The following ELOVL4 variants were observed in gnomAD, a reference collection of about 807,000 sequenced individuals.
ELOVL4 encodes ELOVL fatty acid elongase 4.
ELOVL4 carries 18 observed loss-of-function variants against 42.1 expected under a neutral mutation model. That is an observed-to-expected ratio of 0.43 (90% CI 0.30 to 0.63). The LOEUF (loss-of-function observed/expected upper bound fraction) is 0.63, where lower values mean the gene tolerates loss of function less well. Among genes scored for constraint, ELOVL4 ranks in the 30% least tolerant of loss-of-function variants. ELOVL4 has a pLI of 0.15. For missense variants in ELOVL4, 299 were observed against 376.2 expected, an observed-to-expected ratio of 0.79 and a Z score of 1.70; for synonymous variants, 117 against 127.0, an observed-to-expected ratio of 0.92 and a Z score of 0.53.
chr6:79,924,856 G>A, intron 3 of ELOVL4, 96 bp downstream of exon 3: 1 of 796,890 alleles, frequency 1.3e-6, no homozygotes, highest in Admixed American at 2.0e-5. Context: ...TAAAGAAACT[G>A]TCTCTTAAAA....
chr6:79,935,252 T>G (rs965909139), intron 1 of ELOVL4, among the ~76,000 whole-genome samples: 8 of 152,154 alleles, frequency 5.3e-5, no homozygotes, highest in Non-Finnish European at 8.8e-5. Context: ...TAGACCAATT[T>G]TTTTTCTGAT....
chr6:79,926,021 T>C (rs1170402205), intron 2 of ELOVL4, among the ~76,000 whole-genome samples, 173 bp downstream of exon 2: 1 of 152,238 alleles, frequency 6.6e-6, no homozygotes, highest in Non-Finnish European at 1.5e-5. Context: ...ACAACTTTCC[T>C]ATACCTCATG....
chr6:79,946,389 C>A (rs1774741239), intron 1 of ELOVL4, among the ~76,000 whole-genome samples: 1 of 147,690 alleles, frequency 6.8e-6, no homozygotes, highest in South Asian at 2.5e-4. Context: ...ACTGCAACAG[C>A]TAAAGAAAAG....
chr6:79,945,282 A>T (rs147331153), intron 1 of ELOVL4, among the ~76,000 whole-genome samples: 1,682 of 152,274 alleles, frequency 0.011, 27 homozygotes, highest in South Asian at 0.056. Flanking sequence ...GTGAGAGGTC[A>T]CTTGTGTTCT....
chr6:79,946,904 C>T (rs1184648421), intron 1 of ELOVL4, among the ~76,000 whole-genome samples: 1 of 152,218 alleles, frequency 6.6e-6, no homozygotes, highest in East Asian at 1.9e-4. Flanking sequence ...GCACAGGCTC[C>T]ATCTGATATG....
At chr6:79,941,662 G>A (rs973386179) in intron 1 of ELOVL4, among the ~76,000 whole-genome samples, 1 of 152,128 alleles carries the variant, frequency 6.6e-6, no homozygotes, top group African/African-American at 2.4e-5. Flanking sequence ...AGGAGTTTAA[G>A]AGCAGCCAGG....
Position 79,916,901 on chromosome 6 carries a change from C to A in ELOVL4, c.670-18G>T. 6.2e-7 allele frequency: 1 copy of A among 1,613,826 alleles called. No individual in the cohort carries two copies. ...AATTGAATCTGAAAAACAGAAATGA[C>A]AGCACAAAACATTTAATCTGAATAG... On this transcript the variant is annotated intron_variant, in intron 5 of 5. Transcript: ENST00000369816.
At chr6:79,941,559 C>G (rs1421678306) in intron 1 of ELOVL4, among the ~76,000 whole-genome samples, 1 of 152,066 alleles carries the variant, frequency 6.6e-6, no homozygotes, top group Non-Finnish European at 1.5e-5. Flanking sequence ...TAAAAAATAT[C>G]ATTCTTTTAA....
At chr6:79,938,371 G>A (rs1326898568) in intron 1 of ELOVL4, among the ~76,000 whole-genome samples, 5 of 152,212 alleles carry the variant, frequency 3.3e-5, no homozygotes, top group African/African-American at 1.2e-4. Context: ...GAGTGTGTGA[G>A]TGTGTGAGTT....
chr6:79,935,441 T>C (rs777176027), intron 1 of ELOVL4, among the ~76,000 whole-genome samples: 4 of 151,984 alleles, frequency 2.6e-5, no homozygotes, highest in African/African-American at 4.8e-5. Context: ...AAGAATACAG[T>C]AGGAAATCAT....
In ELOVL4 at chr6:79,923,226, C is replaced by T. The variant is rs151206181; in HGVS notation, c.370-1430G>A. On this transcript the variant is annotated intron_variant, in intron 3 of 5. Transcript: ENST00000369816. ...CGTAACAATGAATACAGAAATGAGTCTCTGCGTAAAATATTCACTCTATTG... is the reference window on the plus strand; with the variant it reads ...CGTAACAATGAATACAGAAATGAGTTTCTGCGTAAAATATTCACTCTATTG... Among the ~76,000 whole-genome samples, 62 of 152,242 alleles carry T rather than the reference C, an allele frequency of 4.1e-4. 1 individual carries two copies. The East Asian group carries it at 0.01, about 25-fold the overall frequency.
intron 4 of ELOVL4, among the ~76,000 whole-genome samples, chr6:79,920,887 A>C (rs542390214): frequency 6.6e-6 from 1 of 152,250 alleles, no homozygotes; most frequent in South Asian, 2.1e-4. Flanking sequence ...GCTGGTGCTC[A>C]AAAAGTTTTG....
intron 5 of ELOVL4, among the ~76,000 whole-genome samples, chr6:79,917,692 A>G (rs558578536): frequency 3.7e-4 from 57 of 152,214 alleles, no homozygotes; most frequent in African/African-American, 1.3e-3. Context: ...GTGGTGGTCC[A>G]TGACTGTAAT....
At position 79,926,429 on chromosome 6, in the gene ELOVL4, T is replaced by G. The variant is rs749205491; in HGVS notation, c.101-48A>C. The G allele has an allele frequency of 1.9e-6, 3 of 1,550,960 alleles. No individual in the cohort carries two copies. The East Asian group carries it at 7.0e-5, about 36-fold the overall frequency. ...TAAAATTCATTAATCAGTAAATGTT[T>G]TATAAAATACACTTTTTAGGAATCA... On this transcript the variant is annotated intron_variant, in intron 1 of 5. Coordinates refer to ENST00000369816, the MANE Select transcript of ELOVL4 (RefSeq NM_022726.4).
chr6:79,925,692 G>C (rs940279440), intron 2 of ELOVL4, among the ~76,000 whole-genome samples: 3 of 152,116 alleles, frequency 2.0e-5, no homozygotes, highest in Admixed American at 2.0e-4. Flanking sequence ...CTATATGGCA[G>C]TTAATTCATT....
intron 1 of ELOVL4, among the ~76,000 whole-genome samples, chr6:79,946,690 G>A (rs1774748318): frequency 6.6e-6 from 1 of 152,222 alleles, no homozygotes; most frequent in Non-Finnish European, 1.5e-5. Context: ...GAAAAGATTA[G>A]CAGGGTTCTG....
At chr6:79,934,174 A>C (rs1175061157) in intron 1 of ELOVL4, among the ~76,000 whole-genome samples, 1 of 152,150 alleles carries the variant, frequency 6.6e-6, no homozygotes, top group Non-Finnish European at 1.5e-5. Flanking sequence ...ATCACACCAG[A>C]GTTTGAGGTC....
chr6:79,922,311 C>T (rs1774272910), intron 3 of ELOVL4, among the ~76,000 whole-genome samples: 1 of 151,926 alleles, frequency 6.6e-6, no homozygotes, highest in Non-Finnish European at 1.5e-5. Flanking sequence ...ATATGTGCAA[C>T]AACATAAATA....
intron 1 of ELOVL4, among the ~76,000 whole-genome samples, 192 bp downstream of exon 1, chr6:79,946,988 G>A (rs1302542771): frequency 8.5e-5 from 13 of 152,174 alleles, no homozygotes; most frequent in Non-Finnish European, 1.5e-4. Context: ...TCGGGGGAGG[G>A]GAGGCCTTAA....
Sources: allele counts gnomAD v4.1 joint callset (sites outside exome capture counted in the v4.1 genomes callset), GRCh38; gene constraint gnomAD v4.1.1; transcripts MANE v1.5; gene names NCBI Gene and HGNC (gene_info 2026-07-23, HGNC 2026-07-21).